DDX60L: variants seen among roughly 807,000 people sequenced by gnomAD.
The protein encoded by DDX60L is probable ATP-dependent RNA helicase DDX60-like.
A neutral mutation model predicts 211.6 loss-of-function variants in DDX60L; 191 were observed. The observed-to-expected ratio is 0.90, with a 90% confidence interval of 0.80 to 1.02. DDX60L has a LOEUF of 1.02. Ranked by LOEUF, DDX60L falls within the 50% of genes least tolerant of loss-of-function variation. The pLI is 0.00. For missense variants in DDX60L, 2,007 were observed against 1,984.1 expected, an observed-to-expected ratio of 1.01 and a Z score of -0.22; for synonymous variants, 706 against 694.1, an observed-to-expected ratio of 1.02 and a Z score of -0.27.
At chr4:168,379,317 A>G (rs1742511625) in intron 32 of DDX60L, 46 bp downstream of exon 32, 1 of 1,466,722 alleles carries the variant, frequency 6.8e-7, no homozygotes, top group South Asian at 1.5e-5. Context: ...GCTATTCAAT[A>G]AATATGTTGC....
At chr4:168,424,391 T>G (rs934933426) in intron 14 of DDX60L, among the ~76,000 whole-genome samples, 2 of 152,214 alleles carry the variant, frequency 1.3e-5, no homozygotes, top group African/African-American at 4.8e-5. Context: ...CCACTCCATA[T>G]AAAGTCATAT....
At chr4:168,363,193 T>C (rs564458539) in intron 36 of DDX60L, among the ~76,000 whole-genome samples, 1 of 152,230 alleles carries the variant, frequency 6.6e-6, no homozygotes, top group East Asian at 1.9e-4. Context: ...CAGTCAAGAA[T>C]ACTACATCCA....
chr4:168,462,460 C>T (rs1231038635), intron 4 of DDX60L, among the ~76,000 whole-genome samples: 2 of 149,124 alleles, frequency 1.3e-5, no homozygotes, highest in African/African-American at 4.9e-5. Flanking sequence ...TTCAAATTTA[C>T]AAGAGAAAAA....
At chr4:168,447,862 A>G (rs1284266818) in intron 9 of DDX60L, among the ~76,000 whole-genome samples, 151 of 120,798 alleles carry the variant, frequency 1.3e-3, no homozygotes, top group Non-Finnish European at 1.7e-3. Flanking sequence ...GGAATATCAC[A>G]CTCTGGGGAC....
intron 7 of DDX60L, 26 bp downstream of exon 7, chr4:168,456,013 C>A: frequency 6.7e-7 from 1 of 1,494,260 alleles, no homozygotes; most frequent in South Asian, 1.2e-5. Context: ...AGCTTTCTGC[C>A]TGGCGGCTGT....
At chr4:168,372,967 T>A (rs915222355) in intron 35 of DDX60L, among the ~76,000 whole-genome samples, 1 of 152,232 alleles carries the variant, frequency 6.6e-6, no homozygotes, top group Non-Finnish European at 1.5e-5. Flanking sequence ...TCAATATTTA[T>A]AATGAACCTG....
intron 37 of DDX60L, among the ~76,000 whole-genome samples, chr4:168,359,110 A>T (rs944177503): frequency 1.6e-4 from 24 of 152,206 alleles, no homozygotes; most frequent in South Asian, 8.3e-4. Flanking sequence ...CTATTCGAGC[A>T]TTGCAATCAA....
chr4:168,473,839 T>G (rs751156366), intron 1 of DDX60L, among the ~76,000 whole-genome samples: 16 of 152,308 alleles, frequency 1.1e-4, no homozygotes, highest in Non-Finnish European at 1.9e-4. Flanking sequence ...AACTCACTTC[T>G]TCACTTCATA....
chr4:168,396,549 T>C lies in DDX60L; in HGVS notation c.3492-425A>G, dbSNP rs891904941. 1.1e-4 allele frequency among the ~76,000 whole-genome samples: 17 copies of C among 151,822 alleles called. No homozygotes were observed. In the East Asian group the frequency reaches 2.1e-3, roughly 19 times the overall value. On this transcript the variant is annotated intron_variant, in intron 26 of 37. Coordinates refer to ENST00000682922, the MANE Select transcript of DDX60L (RefSeq NM_001012967.3). ...GAAGAGGGTTCCAGAAAGAAAAGGGTAATTTAAATATCCATGCTGACAGCA... is the reference window on the plus strand; with the variant it reads ...GAAGAGGGTTCCAGAAAGAAAAGGGCAATTTAAATATCCATGCTGACAGCA...
intron 22 of DDX60L, among the ~76,000 whole-genome samples, chr4:168,408,907 C>T (rs1748205132): frequency 6.6e-6 from 1 of 152,182 alleles, no homozygotes; most frequent in South Asian, 2.1e-4. Context: ...AAGCTATTTC[C>T]ATGAGTGTTA....
At chr4:168,412,692 G>A (rs2149825856) in intron 22 of DDX60L, among the ~76,000 whole-genome samples, 1 of 152,322 alleles carries the variant, frequency 6.6e-6, no homozygotes, top group Non-Finnish European at 1.5e-5. Context: ...GCAGTAGCCA[G>A]ACAATGATTA....
Position 168,456,017 on chromosome 4 carries a change from C to T in DDX60L, c.837+22G>A, listed in dbSNP as rs572687536. 2.5e-5 allele frequency: 37 copies of T among 1,504,240 alleles called. No homozygotes were observed. The South Asian group carries it at 3.0e-4, about 12-fold the overall frequency. 93.2% of individuals were successfully genotyped at this position (1,504,240 alleles called of 1,614,324 possible). A position where few individuals can be genotyped will look rare whatever the true frequency, so the allele number is the denominator to read the frequency against. On this transcript the variant is annotated intron_variant, in intron 7 of 37. Coordinates refer to ENST00000682922, the MANE Select transcript of DDX60L (RefSeq NM_001012967.3). ...TGATGAATGACAGCTTTCTGCCTGG[C>T]GGCTGTGTTCTTTTTACTTACTAAG... is the stretch of plus-strand genomic sequence containing the variant.
At chr4:168,472,879 A>T (rs1758992285) in intron 1 of DDX60L, 70 bp from the exon 2 acceptor site, 1 of 626,034 alleles carries the variant, frequency 1.6e-6, no homozygotes, top group Non-Finnish European at 2.7e-6. Flanking sequence ...AAATATGGTT[A>T]CATTTTCCAC....
intron 7 of DDX60L, 136 bp from the exon 8 acceptor site, chr4:168,453,418 A>T: frequency 1.2e-6 from 1 of 801,978 alleles, no homozygotes; most frequent in Admixed American, 3.4e-5. Context: ...GCATACACAA[A>T]CTTGGCTGCA....
In DDX60L at chr4:168,394,507, T is replaced by A; in HGVS notation, c.3768A>T (p.Glu1256Asp). The A allele has an allele frequency of 6.2e-7, 1 of 1,611,250 alleles. No individual in the cohort carries two copies. The highest frequency in any genetic ancestry group is 8.5e-7 in the Non-Finnish European group (1 of 1,179,056). Residue 1256 changes from glutamate (E) to aspartate (D), a missense_variant, in exon 28 of 38, where the codon GAA (glutamate) becomes GAT (aspartate). Glu to Asp is a conservative substitution (Grantham distance 45, BLOSUM62 2). Transcript: ENST00000682922. ...GYHHSSMYFK[E>D]KEFVEILFVK... ...CAAAGAGTATCTCAACAAACTCTTTTTCTTTAAAATACATGCTGCTGTGAT... is the reference window on the plus strand; with the variant it reads ...CAAAGAGTATCTCAACAAACTCTTTATCTTTAAAATACATGCTGCTGTGAT...
intron 14 of DDX60L, among the ~76,000 whole-genome samples, chr4:168,425,774 A>G (rs1468047855): frequency 6.6e-6 from 1 of 152,078 alleles, no homozygotes; most frequent in Non-Finnish European, 1.5e-5. Context: ...CCCAAAAAAA[A>G]GAAAAAAAAA....
Position 168,405,959 on chromosome 4 carries a change from T to C in DDX60L, c.3204A>G (p.Gln1068=). The C allele has an allele frequency of 1.9e-6, 3 of 1,569,962 alleles. No individual in the cohort carries two copies. Among genetic ancestry groups the C allele is most frequent in the East Asian group, 4.7e-5 (2 of 42,744 alleles). ...AAAGTGTGAAAATTACCTTCTTCAC[T>C]TGGCCATTTTTAATCCAATTTGTCA... The part of the protein sequence containing the change: ...AELTNWIKNG[Q]VKKVKRVLKN... Residue 1068 remains glutamine, a synonymous_variant, in exon 24 of 38, where the codon CAA becomes CAG. Transcript: ENST00000682922.
chr4:168,368,929 A>G (rs1740464166), intron 36 of DDX60L, among the ~76,000 whole-genome samples: 1 of 152,230 alleles, frequency 6.6e-6, no homozygotes, highest in South Asian at 2.1e-4. Context: ...CACTGTATCT[A>G]GGAAGTAACT....
At chr4:168,448,855 G>A in intron 8 of DDX60L, 76 bp from the exon 9 acceptor site, 1 of 1,363,880 alleles carries the variant, frequency 7.3e-7, no homozygotes, top group Non-Finnish European at 1.0e-6. Flanking sequence ...CCCCTATAAG[G>A]TAGGTCACAA....
Sources: allele counts gnomAD v4.1 joint callset (sites outside exome capture counted in the v4.1 genomes callset), GRCh38; gene constraint gnomAD v4.1.1; transcripts MANE v1.5; gene names NCBI Gene and HGNC (gene_info 2026-07-23, HGNC 2026-07-21).